FCHSD2: variants seen among roughly 807,000 people sequenced by gnomAD.
The protein encoded by FCHSD2 is F-BAR and double SH3 domains protein 2.
Under a neutral mutation model 108.1 loss-of-function variants are expected in FCHSD2, and 38 were observed. The ratio of observed to expected loss-of-function variants is 0.35; its 90% CI spans 0.27 to 0.46. FCHSD2 has a LOEUF of 0.46. Among genes scored for constraint, FCHSD2 ranks in the 20% least tolerant of loss-of-function variants. FCHSD2 has a pLI of 1.00. For missense variants in FCHSD2, 751 were observed against 897.8 expected (o/e 0.84, Z 2.09); for synonymous variants, 279 against 314.7 (o/e 0.89, Z 1.20).
intron 19 of FCHSD2, 49 bp downstream of exon 19, chr11:72,840,828 A>G: frequency 1.5e-6 from 2 of 1,351,106 alleles, no homozygotes; most frequent in Non-Finnish European, 2.1e-6. Context: ...CCTTACTTTC[A>G]ATTTGGAAGA....
chr11:72,915,607 T>C lies in FCHSD2; in HGVS notation c.828+6221A>G, dbSNP rs560264936. The stretch of plus-strand genomic sequence containing the variant: ...GCCAAGGTGGGTGGATCACCTGAGG[T>C]CAGGAGTTCAAAACCAGCCTGGCCA... On this transcript the variant is annotated intron_variant, in intron 9 of 19. Transcript: ENST00000409418. Among the ~76,000 whole-genome samples the C allele has an allele frequency of 6.6e-5, 10 of 152,076 alleles. No individual in the cohort carries two copies. In the East Asian group the frequency reaches 1.5e-3, roughly 24 times the overall value.
intron 3 of FCHSD2, among the ~76,000 whole-genome samples, chr11:73,019,955 A>G (rs1295533726): frequency 6.6e-6 from 1 of 152,238 alleles, no homozygotes; most frequent in African/African-American, 2.4e-5. Context: ...CCAAGCCCAC[A>G]GCACTACTAT....
chr11:72,973,487 T>C (rs1287535429), intron 8 of FCHSD2, among the ~76,000 whole-genome samples: 1 of 152,170 alleles, frequency 6.6e-6, no homozygotes, highest in Non-Finnish European at 1.5e-5. Context: ...TACAAATGAA[T>C]CTCAACAAAT....
At chr11:73,085,460 T>C (rs1367572134) in intron 2 of FCHSD2, among the ~76,000 whole-genome samples, 1 of 152,216 alleles carries the variant, frequency 6.6e-6, no homozygotes, top group Non-Finnish European at 1.5e-5. Context: ...CTCTCCTGAC[T>C]GAAATGACTT....
At chr11:72,864,646 T>A (rs1854683904) in intron 13 of FCHSD2, among the ~76,000 whole-genome samples, 2 of 152,240 alleles carry the variant, frequency 1.3e-5, no homozygotes, top group Non-Finnish European at 1.5e-5. Context: ...ACCAAATTGC[T>A]AGCTGTGCTA....
intron 8 of FCHSD2, among the ~76,000 whole-genome samples, chr11:72,964,859 G>A (rs1350230326): frequency 6.8e-6 from 1 of 147,452 alleles, no homozygotes; most frequent in Non-Finnish European, 1.5e-5. Context: ...GCAGGATCTC[G>A]GCTCACTGCA....
intron 12 of FCHSD2, among the ~76,000 whole-genome samples, chr11:72,884,790 C>G (rs1477095402): frequency 1.3e-5 from 2 of 151,884 alleles, no homozygotes; most frequent in African/African-American, 4.8e-5. Context: ...GAGACGATGT[C>G]TCATCTGTTG....
chr11:73,056,360 T>C (rs2135482209), intron 3 of FCHSD2, among the ~76,000 whole-genome samples: 1 of 152,298 alleles, frequency 6.6e-6, no homozygotes, highest in South Asian at 2.1e-4. Flanking sequence ...GAGTTATTTT[T>C]TACTGCTAGG....
intron 10 of FCHSD2, among the ~76,000 whole-genome samples, chr11:72,898,434 A>T (rs1855462863): frequency 6.6e-6 from 1 of 152,236 alleles, no homozygotes; most frequent in African/African-American, 2.4e-5. Flanking sequence ...ATGAAAAATA[A>T]ATTTGTTAAA....
At chr11:72,998,414 C>T (rs539120144) in intron 5 of FCHSD2, among the ~76,000 whole-genome samples, 17 of 152,144 alleles carry the variant, frequency 1.1e-4, no homozygotes, top group Non-Finnish European at 1.8e-4. Context: ...TGGTGGCACA[C>T]GCCTGTAATC....
intron 14 of FCHSD2, among the ~76,000 whole-genome samples, chr11:72,846,670 A>C (rs1449269371): frequency 6.6e-6 from 1 of 152,170 alleles, no homozygotes; most frequent in African/African-American, 2.4e-5. Context: ...CTGTCTCCTT[A>C]AGTCCTAGTA....
intron 8 of FCHSD2, among the ~76,000 whole-genome samples, chr11:72,957,105 C>T (rs577575003): frequency 1.3e-5 from 2 of 150,112 alleles, no homozygotes; most frequent in East Asian, 4.0e-4. Context: ...CATATGTATA[C>T]ATGTGCCATG....
chr11:72,921,035 C>T (rs1855967114), intron 9 of FCHSD2, among the ~76,000 whole-genome samples: 1 of 151,738 alleles, frequency 6.6e-6, no homozygotes, highest in Non-Finnish European at 1.5e-5. Flanking sequence ...ATCCTGATCC[C>T]TCTCCTAAAA....
At chr11:73,012,707 T>C (rs576506958) in intron 4 of FCHSD2, among the ~76,000 whole-genome samples, 1 of 152,162 alleles carries the variant, frequency 6.6e-6, no homozygotes, top group Admixed American at 6.6e-5. Flanking sequence ...TGTATAATTC[T>C]TCATCTCTCT....
chr11:73,105,709 A>C (rs1365618203), intron 2 of FCHSD2, among the ~76,000 whole-genome samples: 1 of 152,258 alleles, frequency 6.6e-6, no homozygotes, highest in African/African-American at 2.4e-5. Context: ...AAAAACTCAC[A>C]ATAGGTGTCT....
intron 14 of FCHSD2, among the ~76,000 whole-genome samples, chr11:72,846,898 G>C (rs1485489785): frequency 6.6e-6 from 1 of 152,102 alleles, no homozygotes; most frequent in Non-Finnish European, 1.5e-5. Context: ...AAAAACTCTT[G>C]ATGAAAATTT....
At chr11:72,941,965 T>A (rs756135858) in intron 8 of FCHSD2, among the ~76,000 whole-genome samples, 7 of 152,360 alleles carry the variant, frequency 4.6e-5, no homozygotes, top group Non-Finnish European at 1.0e-4. Flanking sequence ...CATATTAATA[T>A]GATCAAATAC....
chr11:72,867,239 T>C (rs930778519), intron 13 of FCHSD2, among the ~76,000 whole-genome samples: 1 of 152,122 alleles, frequency 6.6e-6, no homozygotes, highest in Non-Finnish European at 1.5e-5. Flanking sequence ...ATCAGGCAAA[T>C]CAACCGAATT....
intron 2 of FCHSD2, among the ~76,000 whole-genome samples, chr11:73,131,506 G>A (rs539976455): frequency 6.6e-6 from 1 of 151,908 alleles, no homozygotes; most frequent in Non-Finnish European, 1.5e-5. Context: ...TCCAGCCTGG[G>A]TGACAGAGTG....
Sources: gnomAD v4.1 joint callset for allele counts (sites outside exome capture counted in the v4.1 genomes callset) on GRCh38, gnomAD v4.1.1 for gene constraint, MANE v1.5 for transcripts, NCBI Gene and HGNC (gene_info 2026-07-23, HGNC 2026-07-21) for gene names.